ADAMTS12: variants seen among roughly 807,000 people sequenced by gnomAD.
ADAMTS12 encodes ADAM metallopeptidase with thrombospondin type 1 motif 12.
In ADAMTS12, 118 loss-of-function variants were observed where a neutral mutation model predicts 167.8. That is an observed-to-expected ratio of 0.70 (90% CI 0.61 to 0.82). ADAMTS12 has a LOEUF of 0.82. Ranked by LOEUF, ADAMTS12 falls within the 40% of genes least tolerant of loss-of-function variation. The pLI is 0.00. For missense variants in ADAMTS12, 1,916 were observed against 1,998.8 expected (o/e 0.96, Z 0.79); for synonymous variants, 704 against 716.9 (o/e 0.98, Z 0.29).
intron 5 of ADAMTS12, among the ~76,000 whole-genome samples, chr5:33,673,849 G>A (rs12657847): frequency 0.96 from 145,429 of 152,186 alleles, 69,835 homozygotes; most frequent in Non-Finnish European, 1. Context: ...TTCCTAGATT[G>A]TCTTTTTCTC....
intron 2 of ADAMTS12, among the ~76,000 whole-genome samples, chr5:33,870,901 A>G (rs1457948584): frequency 1.3e-5 from 2 of 152,128 alleles, no homozygotes; most frequent in Non-Finnish European, 2.9e-5. Flanking sequence ...TTTCTGAGGT[A>G]TCCTCAATCA....
At chr5:33,832,374 T>C (rs898871449) in intron 2 of ADAMTS12, among the ~76,000 whole-genome samples, 2 of 152,020 alleles carry the variant, frequency 1.3e-5, no homozygotes, top group African/African-American at 4.8e-5. Context: ...AACAACCCAA[T>C]AAATAACTGA....
At position 33,891,713 on chromosome 5, in the gene ADAMTS12, AAAG is replaced by A; in HGVS notation, c.127+14_127+16del. ...TACCACCACTGTTTTAAAAAGAAAT[AAAG>A]AAGAGTCACTAACCTTGCCTCCTGT... On this transcript the variant is annotated intron_variant, in intron 1 of 23. Transcript: ENST00000504830. 1 of 1,613,688 alleles carries A rather than the reference AAAG, an allele frequency of 6.2e-7. No homozygotes were observed. The highest frequency in any genetic ancestry group is 8.5e-7 in the Non-Finnish European group (1 of 1,179,892).
At chr5:33,858,966 G>A (rs1749507605) in intron 2 of ADAMTS12, among the ~76,000 whole-genome samples, 1 of 152,104 alleles carries the variant, frequency 6.6e-6, no homozygotes, top group African/African-American at 2.4e-5. Flanking sequence ...TTGAGGAACG[G>A]TGCACTCCAG....
chr5:33,565,036 G>C, intron 19 of ADAMTS12, among the ~76,000 whole-genome samples: 1 of 152,290 alleles, frequency 6.6e-6, no homozygotes, highest in East Asian at 1.9e-4. Context: ...TCATTACGGA[G>C]AGAGGCAATC....
intron 3 of ADAMTS12, among the ~76,000 whole-genome samples, chr5:33,746,855 C>G (rs191949401): frequency 5.9e-5 from 9 of 152,330 alleles, no homozygotes; most frequent in Admixed American, 2.0e-4. Flanking sequence ...TAGAGCAGAG[C>G]TGAGGCTTTC....
In ADAMTS12 at chr5:33,585,316, C is replaced by T. The variant is rs185987025; in HGVS notation, c.2865+3283G>A. On this transcript the variant is annotated intron_variant, in intron 18 of 23. Transcript: ENST00000504830. Reference sequence around the variant, plus strand: ...TGGATGCACTGGGTTAAACTGAAAGCTTCATCAAAATAACCCTATTATTCT... The same window carrying T: ...TGGATGCACTGGGTTAAACTGAAAGTTTCATCAAAATAACCCTATTATTCT... Among the ~76,000 whole-genome samples the T allele has an allele frequency of 3.3e-5, 5 of 152,336 alleles. No homozygotes were observed. The East Asian group carries it at 7.7e-4, about 24-fold the overall frequency.
Position 33,592,161 on chromosome 5 carries a change from G to A in ADAMTS12, c.2655-3352C>T, listed in dbSNP as rs556175768. ...GGAGGATCGCTTGAACCTGGGAGGC[G>A]GAGGTTGCGGTGAGCCGAGATTGCG... On this transcript the variant is annotated intron_variant, in intron 17 of 23. Transcript: ENST00000504830. Among the ~76,000 whole-genome samples, 97 of 152,194 alleles carry A rather than the reference G, an allele frequency of 6.4e-4. No individual in the cohort carries two copies. In the South Asian group the frequency reaches 0.02, roughly 31 times the overall value.
chr5:33,684,727 G>A (rs921069063), intron 3 of ADAMTS12, among the ~76,000 whole-genome samples: 1 of 152,208 alleles, frequency 6.6e-6, no homozygotes, highest in Non-Finnish European at 1.5e-5. Context: ...AAACTATCAA[G>A]GTGACTAACA....
Position 33,527,320 on chromosome 5 carries a change from T to C in ADAMTS12, c.4653A>G (p.Thr1551=), listed in dbSNP as rs780539260. The change falls in exon 24 of 24, where the codon ACA becomes ACG. Residue 1551 remains threonine, a synonymous_variant. Transcript: ENST00000504830. ...CAGAACATTTCTTCATGGCTTTCAG[T>C]GTCTGGCAGAAACTGGCTGACAGTT... ...KDKLSASFCQ[T]LKAMKKCSVP... is the part of the protein sequence containing the mutation. 1.2e-6 allele frequency: 2 copies of C among 1,614,152 alleles called. No homozygotes were observed. The highest frequency in any genetic ancestry group is 1.3e-5 in the African/African-American group (1 of 75,032).
chr5:33,802,685 C>T (rs1364137503), intron 2 of ADAMTS12, among the ~76,000 whole-genome samples: 1 of 152,224 alleles, frequency 6.6e-6, no homozygotes, highest in Non-Finnish European at 1.5e-5. Context: ...CAGAAAACCA[C>T]CTAGCCTTCC....
intron 3 of ADAMTS12, among the ~76,000 whole-genome samples, chr5:33,685,404 C>T (rs1742287117): frequency 6.6e-6 from 1 of 152,198 alleles, no homozygotes; most frequent in Non-Finnish European, 1.5e-5. Context: ...CTCCTGAGGC[C>T]CTGCCTCAGA....
intron 19 of ADAMTS12, among the ~76,000 whole-genome samples, chr5:33,571,517 A>T (rs1248237483): frequency 6.6e-6 from 1 of 152,210 alleles, no homozygotes; most frequent in Non-Finnish European, 1.5e-5. Flanking sequence ...AACGAAATGA[A>T]GGCAGAAATA....
chr5:33,569,320 T>C (rs7709571), intron 19 of ADAMTS12, among the ~76,000 whole-genome samples: 58,257 of 152,004 alleles, frequency 0.38, 11,553 homozygotes, highest in South Asian at 0.48. Context: ...CCCTGTTCCC[T>C]GAGCAGCCTA....
chr5:33,684,308 T>C (rs1445173051), intron 3 of ADAMTS12, among the ~76,000 whole-genome samples: 2 of 152,180 alleles, frequency 1.3e-5, no homozygotes, highest in African/African-American at 2.4e-5. Flanking sequence ...TCTTCCACTA[T>C]TGAAAAGACG....
At chr5:33,801,407 C>G (rs1747004033) in intron 2 of ADAMTS12, among the ~76,000 whole-genome samples, 2 of 152,120 alleles carry the variant, frequency 1.3e-5, no homozygotes, top group Admixed American at 1.3e-4. Flanking sequence ...AGTAAATCAG[C>G]CTTAAACAAC....
At chr5:33,632,396 A>AAAACAAACAAACAAACAAAC (rs70964407) in intron 12 of ADAMTS12, among the ~76,000 whole-genome samples, 69,233 of 151,028 alleles carry the variant, frequency 0.46, 17,982 homozygotes, top group East Asian at 0.57. Context: ...CCTGAATCCA[A>AAAACAAACAAACAAACAAAC]AAACAAACAA....
chr5:33,656,977 G>C (rs1250650925), intron 7 of ADAMTS12, among the ~76,000 whole-genome samples: 1 of 152,074 alleles, frequency 6.6e-6, no homozygotes, highest in African/African-American at 2.4e-5. Flanking sequence ...TATAACCAAG[G>C]CCTTTTTGGT....
In ADAMTS12 at chr5:33,534,847, C is replaced by T; in HGVS notation, c.4592G>A (p.Cys1531Tyr). ...PEFKKCNQQACKKSADLLCTK... is the reference protein window; with the variant it reads ...PEFKKCNQQAYKKSADLLCTK... The stretch of plus-strand genomic sequence containing the variant: ...CATTCACCCACCGGCACTTTTCTTG[C>T]AGGCCTGCTGGTTGCATTTTTTGAA... Residue 1531 changes from cysteine (C) to tyrosine (Y), a missense_variant, in exon 23 of 24, where the codon TGC (cysteine) becomes TAC (tyrosine). Coordinates refer to ENST00000504830, the MANE Select transcript of ADAMTS12 (RefSeq NM_030955.4). 1.2e-6 allele frequency: 2 copies of T among 1,612,078 alleles called. No individual in the cohort carries two copies. Among genetic ancestry groups the T allele is most frequent in the Non-Finnish European group, 8.5e-7 (1 of 1,179,388 alleles).
Sources: gnomAD v4.1 joint callset for allele counts (sites outside exome capture counted in the v4.1 genomes callset) on GRCh38, gnomAD v4.1.1 for gene constraint, MANE v1.5 for transcripts, NCBI Gene and HGNC (gene_info 2026-07-23, HGNC 2026-07-21) for gene names.